Variants in SRPK2 observed in about 807,000 individuals in gnomAD.
SRPK2 encodes the protein SRSF protein kinase 2.
In SRPK2, 21 loss-of-function variants were observed where a neutral mutation model predicts 90.8. The observed-to-expected ratio is 0.23, with a 90% CI of 0.16 to 0.33. The LOEUF is 0.33. Among genes scored for constraint, SRPK2 ranks in the 10% least tolerant of loss-of-function variants. The pLI, the probability that SRPK2 is intolerant of heterozygous loss-of-function variation, is 1.00. For missense variants in SRPK2, 620 were observed against 869.0 expected (o/e 0.71, Z 3.60); for synonymous variants, 288 against 311.1 (o/e 0.93, Z 0.78).
chr7:105,246,172 A>G (rs992470138), intron 2 of SRPK2, among the ~76,000 whole-genome samples: 3 of 152,206 alleles, frequency 2.0e-5, no homozygotes, highest in East Asian at 1.9e-4. Context: ...TCTTTCAAAG[A>G]TATTTATGAT....
intron 3 of SRPK2, 23 bp from the exon 4 acceptor site, chr7:105,169,288 A>C: frequency 6.4e-7 from 1 of 1,573,206 alleles, no homozygotes; most frequent in Non-Finnish European, 8.7e-7. Flanking sequence ...GAAAGAAAGA[A>C]AAAAATTCAA....
intron 7 of SRPK2, among the ~76,000 whole-genome samples, chr7:105,158,868 C>T (rs749315834): frequency 4.0e-5 from 6 of 149,028 alleles, no homozygotes; most frequent in African/African-American, 1.5e-4. Flanking sequence ...AAATAATACA[C>T]TAGTCTTATT....
intron 2 of SRPK2, among the ~76,000 whole-genome samples, chr7:105,290,732 T>C (rs181568670): frequency 4.7e-4 from 71 of 152,112 alleles, no homozygotes; most frequent in African/African-American, 1.7e-3. Context: ...AAATTTAGAA[T>C]GACTTTGCCA....
At chr7:105,255,937 AAAAG>A (rs1343367853) in intron 2 of SRPK2, among the ~76,000 whole-genome samples, 10 of 128,994 alleles carry the variant, frequency 7.8e-5, no homozygotes, top group African/African-American at 1.8e-4. Flanking sequence ...GAAAAAAAAA[AAAAG>A]AGAGAGAGCG....
intron 2 of SRPK2, among the ~76,000 whole-genome samples, chr7:105,272,997 G>C (rs186956186): frequency 6.6e-6 from 1 of 151,890 alleles, no homozygotes; most frequent in South Asian, 2.1e-4. Context: ...GGCAAATCAC[G>C]AAGGTCAGGA....
chr7:105,353,926 A>G (rs1817504910), intron 2 of SRPK2, among the ~76,000 whole-genome samples: 2 of 152,144 alleles, frequency 1.3e-5, no homozygotes, highest in Admixed American at 1.3e-4. Flanking sequence ...CTGAGAGCCA[A>G]TGTTCTTATC....
intron 8 of SRPK2, 67 bp from the exon 9 acceptor site, chr7:105,145,375 C>T (rs1320072869): frequency 2.2e-5 from 26 of 1,187,702 alleles, no homozygotes; most frequent in African/African-American, 6.1e-5. Flanking sequence ...GTAGGTCATT[C>T]GAATTGCAAA....
At chr7:105,385,170 C>CTTTT (rs1821399567) in intron 2 of SRPK2, among the ~76,000 whole-genome samples, 1 of 84,832 alleles carries the variant, frequency 1.2e-5, no homozygotes, top group African/African-American at 5.5e-5. Context: ...CCGCGCCCGG[C>CTTTT]ATTTTTTTTT....
chr7:105,187,720 G>T (rs1044930022), intron 3 of SRPK2, among the ~76,000 whole-genome samples: 2 of 152,112 alleles, frequency 1.3e-5, no homozygotes, highest in Admixed American at 1.3e-4. Context: ...TTTTGGTGTG[G>T]GTGTCTGACC....
intron 3 of SRPK2, among the ~76,000 whole-genome samples, chr7:105,195,097 T>G (rs749465047): frequency 6.6e-6 from 1 of 152,272 alleles, no homozygotes; most frequent in Non-Finnish European, 1.5e-5. Context: ...TCGCCCAGGC[T>G]GGAGTGCAGT....
At chr7:105,296,864 T>A (rs1809883995) in intron 2 of SRPK2, among the ~76,000 whole-genome samples, 1 of 152,094 alleles carries the variant, frequency 6.6e-6, no homozygotes, top group Non-Finnish European at 1.5e-5. Flanking sequence ...AAGAGAAAAC[T>A]AAAGCAGAGA....
chr7:105,372,820 G>A (rs1819850082), intron 2 of SRPK2, among the ~76,000 whole-genome samples: 1 of 152,150 alleles, frequency 6.6e-6, no homozygotes, highest in South Asian at 2.1e-4. Flanking sequence ...TGGGCATGGT[G>A]GCTCACACCT....
At chr7:105,238,199 G>A (rs756906703) in intron 2 of SRPK2, among the ~76,000 whole-genome samples, 3 of 152,216 alleles carry the variant, frequency 2.0e-5, no homozygotes, top group Non-Finnish European at 4.4e-5. Flanking sequence ...CCCCTGAAAG[G>A]TGATACTTGC....
At chr7:105,204,503 G>C (rs1795955417) in intron 2 of SRPK2, 1 of 363,308 alleles carries the variant, frequency 2.8e-6, no homozygotes, top group East Asian at 8.0e-5. Context: ...CCAGTGCGGG[G>C]AAATAGGACC....
intron 2 of SRPK2, among the ~76,000 whole-genome samples, chr7:105,301,286 C>A (rs1042939957): frequency 6.0e-4 from 74 of 123,698 alleles, no homozygotes; most frequent in Middle Eastern, 4.1e-3. Flanking sequence ...ACTAAAAATA[C>A]AAAAAAAAAA....
chr7:105,216,901 T>C (rs894873269), intron 2 of SRPK2, among the ~76,000 whole-genome samples: 2 of 152,146 alleles, frequency 1.3e-5, no homozygotes. Flanking sequence ...CATTAGAGTG[T>C]TGTAAATATT....
At chr7:105,229,325 A>G (rs747194754) in intron 2 of SRPK2, among the ~76,000 whole-genome samples, 18 of 152,126 alleles carry the variant, frequency 1.2e-4, no homozygotes, top group Non-Finnish European at 2.4e-4. Context: ...TTAGCCGGGC[A>G]TAGCGGCGGG....
rs1175923030 is a variant in SRPK2, at chr7:105,233,149, A to AAGGAAGGG, written c.72-29365_72-29364insCCCTTCCT. On this transcript the variant is annotated intron_variant, in intron 2 of 15. Coordinates refer to ENST00000393651, the MANE Select transcript of SRPK2 (RefSeq NM_182692.3). Reference sequence around the variant, plus strand: ...GAAGGAAGGAAGGAAGGAAGGAAGGAAGGGGAAAGGGAAGGAAGGAGTTTA... The same window carrying AAGGAAGGG: ...GAAGGAAGGAAGGAAGGAAGGAAGGAAGGAAGGGAGGGGAAAGGGAAGGAAGGAGTTTA... Among the ~76,000 whole-genome samples, 144 of 147,416 alleles carry AAGGAAGGG rather than the reference A, an allele frequency of 9.8e-4. 1 individual carries two copies. The highest frequency in any genetic ancestry group is 3.5e-3 in the African/African-American group (140 of 39,740).
intron 2 of SRPK2, among the ~76,000 whole-genome samples, chr7:105,238,148 A>G (rs1457357787): frequency 6.6e-6 from 1 of 152,240 alleles, no homozygotes; most frequent in Non-Finnish European, 1.5e-5. Context: ...ATAAACAACT[A>G]GCAACAAAAT....
Sources: allele counts gnomAD v4.1 joint callset (sites outside exome capture counted in the v4.1 genomes callset), GRCh38; gene constraint gnomAD v4.1.1; transcripts MANE v1.5; gene names NCBI Gene and HGNC (gene_info 2026-07-23, HGNC 2026-07-21).